FERMT1: variants seen among roughly 807,000 people sequenced by gnomAD.
The protein encoded by FERMT1 is fermitin family homolog 1.
FERMT1 carries 60 observed loss-of-function variants against 85.3 expected under a neutral mutation model. The ratio of observed to expected loss-of-function variants is 0.70; its 90% CI spans 0.57 to 0.87. The LOEUF (loss-of-function observed/expected upper bound fraction) is 0.87, where lower values mean the gene tolerates loss of function less well. FERMT1 is among the 40% of genes least tolerant of loss of function. FERMT1 has a pLI of 0.00. For synonymous variants in FERMT1, 275 were observed against 301.1 expected, an observed-to-expected ratio of 0.91 and a Z score of 0.90; for missense variants, 701 against 818.9, an observed-to-expected ratio of 0.86 and a Z score of 1.76.
chr20:6,122,459 A>G (rs1983303377), intron 1 of FERMT1, among the ~76,000 whole-genome samples: 3 of 152,168 alleles, frequency 2.0e-5, no homozygotes, highest in Non-Finnish European at 4.4e-5. Flanking sequence ...GAATATCTGA[A>G]GGTGCTTGGT....
At chr20:6,080,155 A>T (rs6107756) in intron 13 of FERMT1, among the ~76,000 whole-genome samples, 9,949 of 150,904 alleles carry the variant, frequency 0.066, 580 homozygotes, top group East Asian at 0.28. Context: ...ACTTAAAAAA[A>T]TTTTTTTTTT....
intron 2 of FERMT1, 80 bp from the exon 3 acceptor site, chr20:6,116,124 T>C: frequency 2.0e-6 from 2 of 992,176 alleles, no homozygotes; most frequent in Non-Finnish European, 1.6e-6. Flanking sequence ...GTCAATTTCA[T>C]TGTGTGCGAA....
At chr20:6,091,688 A>T (rs1180188768) in intron 9 of FERMT1, among the ~76,000 whole-genome samples, 2 of 152,200 alleles carry the variant, frequency 1.3e-5, no homozygotes, top group African/African-American at 4.8e-5. Flanking sequence ...ATTAAGAATG[A>T]GGCCCTACTT....
rs775521912 is a variant in FERMT1 at position 6,085,278 on chromosome 20, A to T, written c.1381T>A (p.Tyr461Asn). 6.2e-7 allele frequency: 1 copy of T among 1,613,410 alleles called. No homozygotes were observed. The highest frequency in any genetic ancestry group is 1.7e-5 in the Admixed American group (1 of 60,022). ...MYLRCDHENQ[Y>N]AQWMAACMLA... ...ATGCAGGCAGCCATCCATTGGGCGT[A>T]TTGATTCTCCTGCAGCAAACAGAAG... is the stretch of plus-strand genomic sequence containing the variant. The change falls in exon 12 of 15, where the codon TAC becomes AAC. Residue 461 changes from tyrosine to asparagine, a missense_variant. Transcript: ENST00000217289.
chr20:6,087,899 C>G lies in FERMT1; in HGVS notation c.1265-16G>C, dbSNP rs1279894861. 4 of 1,472,342 alleles carry G rather than the reference C, an allele frequency of 2.7e-6. No homozygotes were observed. In the East Asian group the frequency reaches 9.1e-5, roughly 33 times the overall value. The allele number at this position is 1,472,342 out of a possible 1,614,324, so 91.2% of individuals were successfully genotyped here. A position where few individuals can be genotyped will look rare whatever the true frequency, so the allele number is the denominator to read the frequency against. ...ACTTCGCAGCCTGAAGGACAAAGAT[C>G]AGAGACAAAACTGAGTTCTGAGGCA... On this transcript the variant is annotated splice_polypyrimidine_tract_variant and intron_variant, in intron 10 of 14. Transcript: ENST00000217289.
At chr20:6,089,415 T>C (rs1982284812) in intron 9 of FERMT1, among the ~76,000 whole-genome samples, 1 of 152,192 alleles carries the variant, frequency 6.6e-6, no homozygotes, top group African/African-American at 2.4e-5. Flanking sequence ...CCAGGGCTTT[T>C]GTGAGGACAG....
At chr20:6,120,856 C>T (rs186248609) in intron 1 of FERMT1, among the ~76,000 whole-genome samples, 3 of 152,304 alleles carry the variant, frequency 2.0e-5, no homozygotes, top group Non-Finnish European at 4.4e-5. Context: ...TGTGGGTATA[C>T]TCAGTTCTTC....
In FERMT1 at chr20:6,090,929, C is replaced by T. The variant is rs958390297; in HGVS notation, c.1140-1840G>A. Reference sequence around the variant, plus strand: ...CTGTAATCCCAGCACTTTGGGAGGCCGAGGCAGGCTGATCACTTGAGCTCA... The same window carrying T: ...CTGTAATCCCAGCACTTTGGGAGGCTGAGGCAGGCTGATCACTTGAGCTCA... On this transcript the variant is annotated intron_variant, in intron 9 of 14. Coordinates refer to ENST00000217289, the MANE Select transcript of FERMT1 (RefSeq NM_017671.5). Among the ~76,000 whole-genome samples the T allele has an allele frequency of 1.7e-4, 26 of 151,876 alleles. No individual in the cohort carries two copies. In the East Asian group the frequency reaches 2.7e-3, roughly 16 times the overall value.
chr20:6,116,214 A>C (rs1317480264), intron 2 of FERMT1, among the ~76,000 whole-genome samples, 170 bp from the exon 3 acceptor site: 1 of 152,112 alleles, frequency 6.6e-6, no homozygotes, highest in Non-Finnish European at 1.5e-5. Flanking sequence ...TTCTTTCCAA[A>C]GTCTCCAGGG....
At position 6,077,827 on chromosome 20, in the gene FERMT1, T is replaced by C. The variant is rs192820870; in HGVS notation, c.1861-481A>G. 8.7e-4 allele frequency among the ~76,000 whole-genome samples: 132 copies of C among 152,146 alleles called. 1 individual carries two copies. The East Asian group carries it at 0.025, about 29-fold the overall frequency. ...TCCCAAGTAGTTGGGATTACAGGTGTGTGCCACCACACCTGGCTAATTTTT... is the reference window on the plus strand; with the variant it reads ...TCCCAAGTAGTTGGGATTACAGGTGCGTGCCACCACACCTGGCTAATTTTT... On this transcript the variant is annotated intron_variant, in intron 14 of 14. Transcript: ENST00000217289.
Position 6,110,387 on chromosome 20 carries a change from G to A in FERMT1, c.657C>T (p.Leu219=), listed in dbSNP as rs150419419. The change falls in exon 5 of 15, where the codon CTC becomes CTT. Residue 219 remains leucine (L), a synonymous_variant. Transcript: ENST00000217289. The part of the protein sequence containing the change: ...SPLTEQNCSI[L]AFSQPPQSPE... ...GGGACTGGGGGGGTTGGCTGAATGC[G>A]AGGATGCTGCAGTTTTGTTCCGTCA... 63 of 1,613,886 alleles carry A rather than the reference G, an allele frequency of 3.9e-5. No individual in the cohort carries two copies. The Middle Eastern group carries it at 2.1e-3, about 55-fold the overall frequency.
At chr20:6,114,375 T>C (rs1983041839) in intron 3 of FERMT1, among the ~76,000 whole-genome samples, 1 of 152,222 alleles carries the variant, frequency 6.6e-6, no homozygotes, top group African/African-American at 2.4e-5. Context: ...TAAAATGCAA[T>C]GATTAGAAAT....
At chr20:6,083,705 A>T (rs61415366) in intron 13 of FERMT1, among the ~76,000 whole-genome samples, 1 of 105,760 alleles carries the variant, frequency 9.5e-6, no homozygotes, top group Non-Finnish European at 2.0e-5. Flanking sequence ...AAAAAAAAAA[A>T]CAAAAAAAAA....
chr20:6,121,175 T>G (rs1983262522), intron 1 of FERMT1, among the ~76,000 whole-genome samples: 1 of 152,192 alleles, frequency 6.6e-6, no homozygotes, highest in Non-Finnish European at 1.5e-5. Flanking sequence ...CAGGCTGGAG[T>G]GCAGTGGCAT....
At chr20:6,087,429 G>T (rs1161166748) in intron 11 of FERMT1, among the ~76,000 whole-genome samples, 1 of 152,142 alleles carries the variant, frequency 6.6e-6, no homozygotes, top group East Asian at 1.9e-4. Context: ...TCCTGCCTCA[G>T]CCTCCCAAGT....
chr20:6,101,517 T>C (rs1982657809), intron 6 of FERMT1, among the ~76,000 whole-genome samples: 1 of 152,232 alleles, frequency 6.6e-6, no homozygotes, highest in African/African-American at 2.4e-5. Context: ...TTCAAAAATA[T>C]GTTTGTAAAC....
intron 6 of FERMT1, among the ~76,000 whole-genome samples, chr20:6,099,404 GAAAA>G (rs200572377): frequency 8.9e-6 from 1 of 111,774 alleles, no homozygotes. Flanking sequence ...AGACTGTCTC[GAAAA>G]AAAAAAAAAA....
chr20:6,108,089 C>T (rs1445029533), intron 5 of FERMT1, among the ~76,000 whole-genome samples: 1 of 152,200 alleles, frequency 6.6e-6, no homozygotes, highest in Non-Finnish European at 1.5e-5. Flanking sequence ...TAGTCTTGAA[C>T]CCCTGACCTC....
Position 6,115,795 on chromosome 20 carries a change from T to G in FERMT1, c.385+16A>C. On this transcript the variant is annotated intron_variant, in intron 3 of 14. Coordinates refer to ENST00000217289, the MANE Select transcript of FERMT1 (RefSeq NM_017671.5). ...CAAGAGTCTACAGGGCACAGGGGCCTTTCCTGGGTACTTACTCAGGATTTT... is the reference window on the plus strand; with the variant it reads ...CAAGAGTCTACAGGGCACAGGGGCCGTTCCTGGGTACTTACTCAGGATTTT... 3 of 1,591,682 alleles carry G rather than the reference T, an allele frequency of 1.9e-6. No individual in the cohort carries two copies. The highest frequency in any genetic ancestry group is 2.6e-6 in the Non-Finnish European group (3 of 1,159,540).
Sources: gnomAD v4.1 joint callset for allele counts (sites outside exome capture counted in the v4.1 genomes callset) on GRCh38, gnomAD v4.1.1 for gene constraint, MANE v1.5 for transcripts, NCBI Gene and HGNC (gene_info 2026-07-23, HGNC 2026-07-21) for gene names.